SETD3: variants seen among roughly 807,000 people sequenced by gnomAD.
SETD3 encodes SET domain containing 3, actin N3(tau)-histidine methyltransferase, also known as actin-histidine N-methyltransferase.
SETD3 carries 19 observed loss-of-function variants against 63.0 expected under a neutral mutation model. That is an observed-to-expected ratio of 0.30 (90% CI 0.21 to 0.44). The LOEUF (loss-of-function observed/expected upper bound fraction) is 0.44, where lower values mean the gene tolerates loss of function less well. Among genes scored for constraint, SETD3 ranks in the 20% least tolerant of loss-of-function variants. The pLI is 1.00. For missense variants in SETD3, 587 were observed against 728.5 expected (o/e 0.81, Z 2.24); for synonymous variants, 286 against 264.1 (o/e 1.08, Z -0.80).
chr14:99,416,501 C>T (rs1163520398), intron 6 of SETD3, among the ~76,000 whole-genome samples: 3 of 152,194 alleles, frequency 2.0e-5, no homozygotes, highest in Admixed American at 6.5e-5. Context: ...AAACAGAAAA[C>T]GTACTCTCTG....
upstream of SETD3, among the ~76,000 whole-genome samples, chr14:99,483,384 A>C (rs540362638): frequency 6.6e-6 from 1 of 152,102 alleles, no homozygotes; most frequent in African/African-American, 2.4e-5. Context: ...CCTCACCACT[A>C]CAAAAAAAAA....
chr14:99,476,764 G>GTCTTCTATTATAGTC (rs780535178), intron 1 of SETD3, among the ~76,000 whole-genome samples: 2 of 152,180 alleles, frequency 1.3e-5, no homozygotes, highest in Non-Finnish European at 2.9e-5. Context: ...GACTTTCTTA[G>GTCTTCTATTATAGTC]ACCTGTTATG....
intron 3 of SETD3, among the ~76,000 whole-genome samples, chr14:99,462,534 G>A (rs1260733702): frequency 1.3e-5 from 2 of 152,182 alleles, no homozygotes; most frequent in East Asian, 1.9e-4. Flanking sequence ...TTCACTCCTT[G>A]AGAACTGGCA....
rs561869828 is a variant in SETD3 at position 99,410,198 on chromosome 14, G to A, written c.849+2753C>T. ...CTTAGGCAGAGGCGACAGCAAGAGCGAAGGAATCTTCTGGTGTCTGAAGAA... is the reference window on the plus strand; with the variant it reads ...CTTAGGCAGAGGCGACAGCAAGAGCAAAGGAATCTTCTGGTGTCTGAAGAA... On this transcript the variant is annotated intron_variant, in intron 8 of 12. Transcript: ENST00000331768. 3.0e-5 allele frequency: 48 copies of A among 1,613,512 alleles called. No individual in the cohort carries two copies. The African/African-American group carries it at 3.3e-4, about 11-fold the overall frequency.
At chr14:99,429,092 C>A (rs1387337295) in intron 6 of SETD3, among the ~76,000 whole-genome samples, 1 of 152,156 alleles carries the variant, frequency 6.6e-6, no homozygotes, top group East Asian at 1.9e-4. Flanking sequence ...GGGCTGGAAT[C>A]TGCCATAATA....
chr14:99,399,168 G>C, intron 12 of SETD3, 43 bp from the exon 13 acceptor site: 1 of 1,573,068 alleles, frequency 6.4e-7, no homozygotes, highest in Non-Finnish European at 8.7e-7. Context: ...GTCTAAACCA[G>C]CAAAACTATA....
intron 3 of SETD3, among the ~76,000 whole-genome samples, chr14:99,462,208 T>C (rs1895104068): frequency 2.0e-5 from 3 of 152,256 alleles, no homozygotes; most frequent in Admixed American, 2.0e-4. Flanking sequence ...CTTTGACATG[T>C]GCTCAGCTGG....
At chr14:99,456,185 A>T (rs765773364) in intron 6 of SETD3, among the ~76,000 whole-genome samples, 29 of 152,204 alleles carry the variant, frequency 1.9e-4, no homozygotes, top group Non-Finnish European at 3.8e-4. Context: ...GATATAAAAT[A>T]AAAGAACTTA....
At chr14:99,426,238 C>A (rs534980719) in intron 6 of SETD3, among the ~76,000 whole-genome samples, 2 of 152,254 alleles carry the variant, frequency 1.3e-5, no homozygotes, top group Non-Finnish European at 2.9e-5. Context: ...CAAAATACCA[C>A]GTAGCACTCT....
At chr14:99,417,406 C>T (rs915452495) in intron 6 of SETD3, among the ~76,000 whole-genome samples, 2 of 152,224 alleles carry the variant, frequency 1.3e-5, no homozygotes, top group Non-Finnish European at 2.9e-5. Flanking sequence ...GAAAAAGTCA[C>T]ATATTCCATG....
intron 9 of SETD3, among the ~76,000 whole-genome samples, chr14:99,405,943 A>G (rs940859312): frequency 1.2e-4 from 18 of 152,346 alleles, no homozygotes; most frequent in African/African-American, 4.1e-4. Context: ...TGGAATGTCA[A>G]TTATGGATGT....
chr14:99,415,316 G>T (rs1892233753), intron 6 of SETD3, among the ~76,000 whole-genome samples: 1 of 152,078 alleles, frequency 6.6e-6, no homozygotes, highest in South Asian at 2.1e-4. Context: ...CTAAAAATTT[G>T]GAGCCCCCAC....
intron 6 of SETD3, among the ~76,000 whole-genome samples, chr14:99,443,886 T>C (rs895454916): frequency 6.6e-6 from 1 of 152,168 alleles, no homozygotes; most frequent in South Asian, 2.1e-4. Flanking sequence ...AATCAGATCT[T>C]GAGCAGGGTC....
chr14:99,484,276 G>T (rs1490526748), upstream of SETD3, among the ~76,000 whole-genome samples: 1 of 152,260 alleles, frequency 6.6e-6, no homozygotes, highest in African/African-American at 2.4e-5. Flanking sequence ...GTGATAAATT[G>T]TGAGGATAAG....
intron 1 of SETD3, among the ~76,000 whole-genome samples, chr14:99,474,534 G>T (rs1216658861): frequency 3.3e-5 from 5 of 152,140 alleles, no homozygotes; most frequent in Non-Finnish European, 7.3e-5. Flanking sequence ...AACAATTTGG[G>T]CTGTCCCATG....
chr14:99,405,484 GAA>G, intron 9 of SETD3, 113 bp from the exon 10 acceptor site: 1 of 1,102,376 alleles, frequency 9.1e-7, no homozygotes, highest in Non-Finnish European at 1.3e-6. Context: ...CTAAATAGCT[GAA>G]AGTATTGATA....
intron 8 of SETD3, among the ~76,000 whole-genome samples, chr14:99,410,906 G>T (rs1595155413): frequency 6.6e-6 from 1 of 152,064 alleles, no homozygotes. Flanking sequence ...TGATAGTCAG[G>T]GTAGACTGAC....
intron 12 of SETD3, 54 bp from the exon 13 acceptor site, chr14:99,399,179 G>C (rs1159239367): frequency 1.3e-6 from 2 of 1,526,200 alleles, no homozygotes; most frequent in East Asian, 2.3e-5. Flanking sequence ...CAAAACTATA[G>C]AGACAGAGGG....
chr14:99,481,938 A>C (rs1896342238), upstream of SETD3, among the ~76,000 whole-genome samples: 1 of 152,188 alleles, frequency 6.6e-6, no homozygotes, highest in African/African-American at 2.4e-5. Flanking sequence ...TTGGAGAGCC[A>C]CGTAACGAGG....
Sources: gnomAD v4.1 joint callset for allele counts (sites outside exome capture counted in the v4.1 genomes callset) on GRCh38, gnomAD v4.1.1 for gene constraint, MANE v1.5 for transcripts, NCBI Gene and HGNC (gene_info 2026-07-23, HGNC 2026-07-21) for gene names.